ANKS1B: variants seen among roughly 807,000 people sequenced by gnomAD.
ANKS1B encodes the protein ankyrin repeat and sterile alpha motif domain-containing protein 1B.
A neutral mutation model predicts 148.3 loss-of-function variants in ANKS1B; 36 were observed. That is an observed-to-expected ratio of 0.24 (90% CI 0.19 to 0.32). The LOEUF is 0.32. ANKS1B is among the 10% of genes least tolerant of loss of function. ANKS1B has a pLI of 1.00. For missense variants in ANKS1B, 1,157 were observed against 1,542.6 expected (o/e 0.75, Z 4.19); for synonymous variants, 542 against 560.8 (o/e 0.97, Z 0.47).
intron 8 of ANKS1B, among the ~76,000 whole-genome samples, chr12:99,714,526 T>A (rs2057047279): frequency 6.6e-6 from 1 of 152,184 alleles, no homozygotes; most frequent in Non-Finnish European, 1.5e-5. Flanking sequence ...ATTCTCACAA[T>A]ATTTCAAGTT....
intron 17 of ANKS1B, among the ~76,000 whole-genome samples, chr12:98,868,909 T>A (rs2099639117): frequency 1.3e-5 from 2 of 152,264 alleles, no homozygotes; most frequent in African/African-American, 2.4e-5. Flanking sequence ...CAGCTTGATG[T>A]ACTGTTCTCA....
At chr12:99,979,638 A>AT (rs2095669410) in intron 1 of ANKS1B, among the ~76,000 whole-genome samples, 1 of 152,126 alleles carries the variant, frequency 6.6e-6, no homozygotes, top group Non-Finnish European at 1.5e-5. Context: ...CAATACTAGG[A>AT]ATTACCAATG....
chr12:99,368,394 G>GA (rs1287077037), intron 12 of ANKS1B, among the ~76,000 whole-genome samples: 2 of 151,448 alleles, frequency 1.3e-5, no homozygotes, highest in Non-Finnish European at 2.9e-5. Context: ...TTAAAATTTA[G>GA]AAAAAAATAA....
intron 17 of ANKS1B, among the ~76,000 whole-genome samples, chr12:98,979,204 C>T (rs2099904535): frequency 6.6e-6 from 1 of 151,792 alleles, no homozygotes; most frequent in Non-Finnish European, 1.5e-5. Context: ...AAATTTACCA[C>T]TTACATCACT....
At chr12:99,297,021 T>G (rs1210497650) in intron 12 of ANKS1B, among the ~76,000 whole-genome samples, 2 of 152,166 alleles carry the variant, frequency 1.3e-5, no homozygotes, top group Non-Finnish European at 2.9e-5. Context: ...AACATCTCAA[T>G]TTAGCTCATT....
chr12:98,973,071 C>A (rs1018219716), intron 17 of ANKS1B, among the ~76,000 whole-genome samples: 1 of 152,196 alleles, frequency 6.6e-6, no homozygotes, highest in Admixed American at 6.5e-5. Flanking sequence ...CCAAGACCTT[C>A]ATAGAGCAAA....
In ANKS1B at chr12:99,696,780, G is replaced by C. The variant is rs112006480; in HGVS notation, c.1129-41570C>G. ...TGCTCTGTGAAAGATACTCTTAAGA[G>C]AATGAAAGGACAAGCCACAGACTTG... On this transcript the variant is annotated intron_variant, in intron 8 of 26. Transcript: ENST00000683438. Among the ~76,000 whole-genome samples, 203 of 152,260 alleles carry C rather than the reference G, an allele frequency of 1.3e-3. 4 individuals are homozygous for C. Among genetic ancestry groups the C allele is most frequent in the Middle Eastern group, 3.4e-3 (1 of 294 alleles).
chr12:99,369,849 CAGATAGATAGATAGATAGATAGAT>C (rs35658536), intron 12 of ANKS1B, among the ~76,000 whole-genome samples: 1 of 145,520 alleles, frequency 6.9e-6, no homozygotes, highest in African/African-American at 2.6e-5. Context: ...CAGACAGAGA[CAGATAGATAGATAGATAGATAGAT>C]AGATAGATAG....
At chr12:99,544,090 T>G (rs2097151527) in intron 9 of ANKS1B, among the ~76,000 whole-genome samples, 1 of 152,088 alleles carries the variant, frequency 6.6e-6, no homozygotes, top group Admixed American at 6.6e-5. Flanking sequence ...CCTGTGAAAT[T>G]GTGTGTTGTA....
intron 19 of ANKS1B, among the ~76,000 whole-genome samples, chr12:98,810,755 A>G (rs1314686524): frequency 1.3e-5 from 2 of 152,196 alleles, no homozygotes; most frequent in Non-Finnish European, 2.9e-5. Flanking sequence ...AAGGCCATTT[A>G]ACCTTTTGGG....
chr12:99,132,609 CA>C (rs35089103), intron 15 of ANKS1B, among the ~76,000 whole-genome samples: 3 of 151,446 alleles, frequency 2.0e-5, no homozygotes, highest in East Asian at 1.9e-4. Flanking sequence ...ACATAGTGGC[CA>C]AAAAAAGGGG....
intron 9 of ANKS1B, among the ~76,000 whole-genome samples, chr12:99,602,091 C>A (rs1386542570): frequency 6.6e-6 from 1 of 151,968 alleles, no homozygotes; most frequent in African/African-American, 2.4e-5. Flanking sequence ...ATAAAAAGGG[C>A]AGGAGAAGGT....
chr12:99,612,278 A>G (rs1406592946), intron 9 of ANKS1B, among the ~76,000 whole-genome samples: 1 of 152,148 alleles, frequency 6.6e-6, no homozygotes, highest in African/African-American at 2.4e-5. Context: ...AGTGTCACAC[A>G]AAAGTGATCT....
chr12:99,919,120 C>T (rs2094267514), intron 1 of ANKS1B, among the ~76,000 whole-genome samples: 1 of 151,954 alleles, frequency 6.6e-6, no homozygotes, highest in Non-Finnish European at 1.5e-5. Flanking sequence ...AGAATGAAGC[C>T]CTGGGAACTA....
intron 2 of ANKS1B, among the ~76,000 whole-genome samples, chr12:99,814,815 C>A (rs2068896846): frequency 6.6e-6 from 1 of 151,720 alleles, no homozygotes; most frequent in African/African-American, 2.4e-5. Context: ...TATATACAAT[C>A]AAAAGTTGTT....
intron 15 of ANKS1B, among the ~76,000 whole-genome samples, chr12:99,144,491 A>G (rs2072237762): frequency 6.6e-6 from 1 of 152,094 alleles, no homozygotes; most frequent in Admixed American, 6.6e-5. Context: ...GTTTAATTCA[A>G]TTAAATAACT....
At chr12:99,780,035 ACTAT>A in intron 5 of ANKS1B, 63 bp from the exon 6 acceptor site, 2 of 1,129,776 alleles carry the variant, frequency 1.8e-6, no homozygotes, top group South Asian at 1.3e-5. Context: ...AGATACTATC[ACTAT>A]CTAACTGCTG....
At chr12:99,396,923 A>G (rs1357208080) in intron 12 of ANKS1B, among the ~76,000 whole-genome samples, 2 of 152,158 alleles carry the variant, frequency 1.3e-5, no homozygotes, top group Non-Finnish European at 2.9e-5. Flanking sequence ...AGCATCTGTC[A>G]TTGCCCCATT....
At chr12:99,801,523 T>C (rs1034530898) in intron 4 of ANKS1B, among the ~76,000 whole-genome samples, 1 of 152,106 alleles carries the variant, frequency 6.6e-6, no homozygotes, top group African/African-American at 2.4e-5. Flanking sequence ...CAAGGACTTT[T>C]AAAAGTGAGG....
Sources: gnomAD v4.1 joint callset for allele counts (sites outside exome capture counted in the v4.1 genomes callset) on GRCh38, gnomAD v4.1.1 for gene constraint, MANE v1.5 for transcripts, NCBI Gene and HGNC (gene_info 2026-07-23, HGNC 2026-07-21) for gene names.